Variants in CUX2 observed in about 807,000 individuals in gnomAD.
The protein encoded by CUX2 is cut like homeobox 2, also known as homeobox protein cut-like 2.
CUX2 carries 40 observed loss-of-function variants against 144.8 expected under a neutral mutation model. That is an observed-to-expected ratio of 0.28 (90% CI 0.21 to 0.36). The LOEUF is 0.36. Among genes scored for constraint, CUX2 ranks in the 10% least tolerant of loss-of-function variants. The pLI is 1.00. For missense variants in CUX2, 1,615 were observed against 1,994.0 expected (o/e 0.81, Z 3.62); for synonymous variants, 827 against 875.6 (o/e 0.94, Z 0.98).
At chr12:111,181,112 G>A (rs1879143927) in intron 1 of CUX2, among the ~76,000 whole-genome samples, 1 of 152,240 alleles carries the variant, frequency 6.6e-6, no homozygotes, top group South Asian at 2.1e-4. Context: ...ATAACCAGGC[G>A]GAATATTCCG....
At chr12:111,274,551 C>T (rs1565885897) in intron 4 of CUX2, among the ~76,000 whole-genome samples, 4 of 152,166 alleles carry the variant, frequency 2.6e-5, no homozygotes, top group Admixed American at 2.0e-4. Flanking sequence ...TGTCCCTGTC[C>T]AAGCCAGGAG....
At chr12:111,060,402 T>G (rs1870715332) in intron 1 of CUX2, among the ~76,000 whole-genome samples, 1 of 152,242 alleles carries the variant, frequency 6.6e-6, no homozygotes, top group Non-Finnish European at 1.5e-5. Context: ...TCATCTTTCG[T>G]GTCTGATCTG....
chr12:111,137,153 C>G (rs1428159478), intron 1 of CUX2, among the ~76,000 whole-genome samples: 1 of 151,276 alleles, frequency 6.6e-6, no homozygotes, highest in African/African-American at 2.4e-5. Context: ...AAGCTGGCCT[C>G]AAACTACTGA....
intron 4 of CUX2, among the ~76,000 whole-genome samples, chr12:111,266,338 G>A (rs186927552): frequency 1.1e-4 from 17 of 152,072 alleles, no homozygotes; most frequent in Middle Eastern, 3.2e-3. Context: ...TTAGCCAGGT[G>A]TGGTAGCCTG....
chr12:111,128,221 A>T (rs538706054), intron 1 of CUX2, among the ~76,000 whole-genome samples: 26 of 152,190 alleles, frequency 1.7e-4, no homozygotes, highest in South Asian at 1.2e-3. Flanking sequence ...TTCTCCTTCT[A>T]AGCCAAGTAA....
chr12:111,068,684 C>T lies in CUX2; in HGVS notation c.63+34444C>T, dbSNP rs1344718792. Among the ~76,000 whole-genome samples, 4 of 152,196 alleles carry T rather than the reference C, an allele frequency of 2.6e-5. No individual in the cohort carries two copies. Among genetic ancestry groups the T allele is most frequent in the African/African-American group, 9.6e-5 (4 of 41,454 alleles). ...CTCTGCCTTGCGTGGTTCAACTCCG[C>T]CCCCTTCTTCCCTGATTCGTGTGCC... On this transcript the variant is annotated intron_variant, in intron 1 of 21. Coordinates refer to ENST00000261726, the MANE Select transcript of CUX2 (RefSeq NM_015267.4). This position sits in a 1 kb window ranked among gnomAD's most constrained non-coding sequence, Gnocchi z 4.9.
chr12:111,120,765 C>T (rs1324553919), intron 1 of CUX2, among the ~76,000 whole-genome samples: 2 of 151,858 alleles, frequency 1.3e-5, no homozygotes, highest in Admixed American at 6.6e-5. Context: ...GAAAATATGT[C>T]GGGGTCCACT....
chr12:111,134,698 G>A (rs1875746749), intron 1 of CUX2, among the ~76,000 whole-genome samples: 1 of 151,676 alleles, frequency 6.6e-6, no homozygotes, highest in Non-Finnish European at 1.5e-5. Flanking sequence ...AGCAATGTAA[G>A]CTGATATAGG....
intron 1 of CUX2, among the ~76,000 whole-genome samples, chr12:111,051,252 G>A (rs1870249721): frequency 6.6e-6 from 1 of 152,092 alleles, no homozygotes; most frequent in Admixed American, 6.5e-5. Context: ...TCTGTTCTTG[G>A]TTTATAGTGT....
intron 3 of CUX2, among the ~76,000 whole-genome samples, chr12:111,235,582 A>C (rs1269885908): frequency 1.3e-5 from 2 of 152,064 alleles, no homozygotes; most frequent in African/African-American, 2.4e-5. Context: ...TTAGCCAGGC[A>C]TGGTGGTATG....
In CUX2 at chr12:111,305,411, T is replaced by C. The variant is rs1030129748; in HGVS notation, c.858+1097T>C. ...CTGTTTGAATATTGGAATGAGTCTC[T>C]ATGAATGTGTTACTGTGTATGTGTG... is the stretch of plus-strand genomic sequence containing the variant. On this transcript the variant is annotated intron_variant, in intron 10 of 21. Coordinates refer to ENST00000261726, the MANE Select transcript of CUX2 (RefSeq NM_015267.4). Among the ~76,000 whole-genome samples the C allele has an allele frequency of 2.6e-5, 4 of 152,220 alleles. 1 individual carries two copies. Among genetic ancestry groups the C allele is most frequent in the African/African-American group, 9.6e-5 (4 of 41,458 alleles).
Position 111,310,193 on chromosome 12 carries a change from G to C in CUX2, c.1411G>C (p.Asp471His). ...QPLLGPSLGP[D>H]GTRTFSLSPF... ...CCTGCTGGGCCCCAGCTTGGGGCCT[G>C]ACGGCACTCGGACTTTCTCGCTGTC... The change falls in exon 15 of 22, where the codon GAC (aspartate) becomes CAC (histidine). Residue 471 changes from aspartate to histidine, a missense_variant. Asp to His is a moderately conservative substitution (Grantham distance 81). This residue lies in a region of CUX2 where 154 missense variants were observed against 148.4 expected (regional missense o/e 1.04). Coordinates refer to ENST00000261726, the MANE Select transcript of CUX2 (RefSeq NM_015267.4). The surrounding 1 kb of genome is among the most constrained non-coding windows in gnomAD (Gnocchi z 7.9). The C allele has an allele frequency of 6.5e-7, 1 of 1,535,440 alleles. No individual in the cohort carries two copies. Among genetic ancestry groups the C allele is most frequent in the Non-Finnish European group, 8.8e-7 (1 of 1,142,368 alleles).
Position 111,068,782 on chromosome 12 carries a change from T to C in CUX2, c.63+34542T>C, listed in dbSNP as rs1263946056. Among the ~76,000 whole-genome samples the C allele has an allele frequency of 1.3e-5, 2 of 152,140 alleles. No homozygotes were observed. The highest frequency in any genetic ancestry group is 2.9e-5 in the Non-Finnish European group (2 of 68,010). On this transcript the variant is annotated intron_variant, in intron 1 of 21. Coordinates refer to ENST00000261726, the MANE Select transcript of CUX2 (RefSeq NM_015267.4). This position sits in a 1 kb window ranked among gnomAD's most constrained non-coding sequence, Gnocchi z 4.9. ...GGTAATGCCCCCATGGCCCTCCTGT[T>C]GGACAGGAGGGGAAAATCTCATGGT...
chr12:111,293,419 G>C lies in CUX2; in HGVS notation c.437-27G>C. The C allele has an allele frequency of 9.4e-6, 15 of 1,592,948 alleles. No individual in the cohort carries two copies. The highest frequency in any genetic ancestry group is 1.2e-5 in the Non-Finnish European group (14 of 1,170,732). On this transcript the variant is annotated intron_variant, in intron 5 of 21. Transcript: ENST00000261726. The surrounding 1 kb of genome is among the most constrained non-coding windows in gnomAD (Gnocchi z 4.5). ...TGCCACGTTGCTCTCTTGGCAATGG[G>C]GGTTTTCCCTCTTTTTCTCCCTGCA...
At chr12:111,072,071 C>G (rs1249100309) in intron 1 of CUX2, among the ~76,000 whole-genome samples, 1 of 152,174 alleles carries the variant, frequency 6.6e-6, no homozygotes. Context: ...TTGTCCTTCT[C>G]TTTCATATTA....
At chr12:111,264,953 C>T (rs1255678639) in intron 4 of CUX2, among the ~76,000 whole-genome samples, 3 of 150,704 alleles carry the variant, frequency 2.0e-5, no homozygotes, top group South Asian at 2.2e-4. Context: ...ACTGCTTAAT[C>T]GGTATGAGTT....
chr12:111,307,568 C>A lies in CUX2; in HGVS notation c.1109+311C>A, dbSNP rs1024941265. ...TAATTAGCCAGGAGTGGTGGTGATG[C>A]GTGCTGTAGTCCCAGCCACTCAGGA... On this transcript the variant is annotated intron_variant, in intron 12 of 21. Transcript: ENST00000261726. This position sits in a 1 kb window ranked among gnomAD's most constrained non-coding sequence, Gnocchi z 4.1. 6.6e-6 allele frequency among the ~76,000 whole-genome samples: 1 copy of A among 152,080 alleles called. No individual in the cohort carries two copies. Among genetic ancestry groups the A allele is most frequent in the South Asian group, 2.1e-4 (1 of 4,822 alleles).
At chr12:111,163,262 G>A (rs762321828) in intron 1 of CUX2, among the ~76,000 whole-genome samples, 2 of 152,106 alleles carry the variant, frequency 1.3e-5, no homozygotes, top group Non-Finnish European at 2.9e-5. Flanking sequence ...TATTATTGAC[G>A]GCATTGCTGT....
chr12:111,308,738 C>A (rs1397290176), intron 14 of CUX2, among the ~76,000 whole-genome samples: 1 of 152,168 alleles, frequency 6.6e-6, no homozygotes, highest in African/African-American at 2.4e-5. Context: ...CTGGTTTGGG[C>A]CCTTCCAAGG....
Sources: gnomAD v4.1 joint callset for allele counts (sites outside exome capture counted in the v4.1 genomes callset) on GRCh38, gnomAD v4.1.1 for gene constraint, gnomAD v4.1.1 regional missense constraint, Gnocchi (gnomAD v3.1) non-coding constraint, MANE v1.5 for transcripts, NCBI Gene and HGNC (gene_info 2026-07-23, HGNC 2026-07-21) for gene names.